The following SLC27A2 variants were observed in gnomAD, a reference collection of about 807,000 sequenced individuals.
The protein encoded by SLC27A2 is long-chain fatty acid transport protein 2.
A neutral mutation model predicts 60.0 loss-of-function variants in SLC27A2; 54 were observed. That is an observed-to-expected ratio of 0.90 (90% confidence interval 0.72 to 1.13). The LOEUF is 1.13. SLC27A2 is among the 50% of genes most tolerant of loss of function. The probability of loss-of-function intolerance (pLI) is 0.00; values close to 1 mark genes in which losing one functional copy is unlikely to be tolerated. For synonymous variants in SLC27A2, 297 were observed against 297.6 expected (o/e 1.00, Z 0.02); for missense variants, 739 against 777.6 (o/e 0.95, Z 0.59).
chr15:50,228,765 T>C (rs1265387936), intron 7 of SLC27A2, among the ~76,000 whole-genome samples, 180 bp from the exon 8 acceptor site: 1 of 152,204 alleles, frequency 6.6e-6, no homozygotes. Flanking sequence ...TCTATACTTT[T>C]CCCTTTTATG....
At chr15:50,216,608 GTGTATATATATATATA>G (rs1276412833) in intron 4 of SLC27A2, among the ~76,000 whole-genome samples, 1 of 45,530 alleles carries the variant, frequency 2.2e-5, no homozygotes, top group Non-Finnish European at 4.4e-5. Context: ...GTGTGTGTGT[GTGTATATATATATATA>G]TATATATATA....
At position 50,229,543 on chromosome 15, in the gene SLC27A2, C is replaced by T. The variant is rs187366064; in HGVS notation, c.1555+501C>T. On this transcript the variant is annotated intron_variant, in intron 8 of 9. Transcript: ENST00000267842. ...CACCGCAGCTTCATCTGCAGATCCA[C>T]TTCTGCCAGCAGAGTCAGGAGGGCC... Among the ~76,000 whole-genome samples the T allele has an allele frequency of 2.9e-4, 44 of 152,340 alleles. 1 individual carries two copies. In the East Asian group the frequency reaches 7.1e-3, roughly 25 times the overall value.
At chr15:50,188,746 G>A (rs1567425982) in intron 1 of SLC27A2, among the ~76,000 whole-genome samples, 1 of 152,216 alleles carries the variant, frequency 6.6e-6, no homozygotes, top group Non-Finnish European at 1.5e-5. Context: ...GATCACCTGA[G>A]TTCAGGAGTT....
In SLC27A2 at chr15:50,227,027, A is replaced by C. The variant is rs2045283182; in HGVS notation, c.1306A>C (p.Asn436His). The change falls in exon 7 of 10, where the codon AAT becomes CAT. Residue 436 changes from asparagine (N) to histidine (H), a missense_variant. By Grantham distance (68) the Asn-to-His change is moderately conservative. Coordinates refer to ENST00000267842, the MANE Select transcript of SLC27A2 (RefSeq NM_003645.4). ...CAAAATCACACAACTTACACCATTT[A>C]ATGGCTATGCTGGAGCAAAGGCTCA... is the stretch of plus-strand genomic sequence containing the variant. ...VCKITQLTPFNGYAGAKAQTE... is the reference protein window; with the variant it reads ...VCKITQLTPFHGYAGAKAQTE... 6.2e-7 allele frequency: 1 copy of C among 1,614,204 alleles called. No individual in the cohort carries two copies. The highest frequency in any genetic ancestry group is 8.5e-7 in the Non-Finnish European group (1 of 1,180,032).
intron 1 of SLC27A2, among the ~76,000 whole-genome samples, chr15:50,190,696 G>A (rs1250031659): frequency 1.3e-5 from 2 of 151,764 alleles, no homozygotes; most frequent in Non-Finnish European, 2.9e-5. Flanking sequence ...GACTTTAAAG[G>A]GGATGGGGGA....
chr15:50,232,621 C>T (rs1219102532), intron 8 of SLC27A2, among the ~76,000 whole-genome samples: 3 of 151,948 alleles, frequency 2.0e-5, no homozygotes, highest in Non-Finnish European at 4.4e-5. Flanking sequence ...CCCATTTGCC[C>T]GTAGGTCCAG....
intron 1 of SLC27A2, among the ~76,000 whole-genome samples, chr15:50,195,655 T>G (rs2045008251): frequency 1.3e-5 from 2 of 152,110 alleles, no homozygotes; most frequent in East Asian, 3.9e-4. Flanking sequence ...ATTAAAATAT[T>G]TTTTTAAATT....
Position 50,234,743 on chromosome 15 carries a change from A to G in SLC27A2, c.1686+745A>G, listed in dbSNP as rs189738926. ...CACTGTACTCCAGCCTGGGCATCAGAGCAAGGCCCAGTCTAAAAAAAAATA... is the reference window on the plus strand; with the variant it reads ...CACTGTACTCCAGCCTGGGCATCAGGGCAAGGCCCAGTCTAAAAAAAAATA... On this transcript the variant is annotated intron_variant, in intron 9 of 9. Transcript: ENST00000267842. Among the ~76,000 whole-genome samples, 588 of 152,230 alleles carry G rather than the reference A, an allele frequency of 3.9e-3. 6 individuals carry two copies. Among genetic ancestry groups the G allele is most frequent in the African/African-American group, 0.013 (559 of 41,530 alleles).
intron 3 of SLC27A2, 84 bp from the exon 4 acceptor site, chr15:50,205,155 C>T: frequency 2.1e-6 from 3 of 1,443,662 alleles, no homozygotes; most frequent in South Asian, 1.4e-5. Flanking sequence ...TAAATTTCTA[C>T]CGTTCAAAGT....
At chr15:50,190,116 G>A (rs1355083785) in intron 1 of SLC27A2, among the ~76,000 whole-genome samples, 2 of 152,104 alleles carry the variant, frequency 1.3e-5, no homozygotes, top group Non-Finnish European at 2.9e-5. Flanking sequence ...TCTATATATA[G>A]TATTATAATG....
At position 50,182,522 on chromosome 15, in the gene SLC27A2, A is replaced by G; in HGVS notation, c.95A>G (p.Tyr32Cys). The G allele has an allele frequency of 6.2e-7, 1 of 1,612,430 alleles. No homozygotes were observed. Among genetic ancestry groups the G allele is most frequent in the African/African-American group, 1.3e-5 (1 of 75,028 alleles). ...CCATACTTCTTCCAGGACATAGGCT[A>G]CTTCTTGAAGGTGGCCGCCGTGGGC... The part of the protein sequence containing the change: ...CCPYFFQDIG[Y>C]FLKVAAVGRR... Residue 32 changes from tyrosine (Y) to cysteine (C), a missense_variant, in exon 1 of 10, where the codon TAC (tyrosine) becomes TGC (cysteine). Transcript: ENST00000267842.
chr15:50,182,999 G>T, intron 1 of SLC27A2, 94 bp downstream of exon 1: 1 of 1,266,016 alleles, frequency 7.9e-7, no homozygotes, highest in Non-Finnish European at 1.1e-6. Flanking sequence ...GCAGAGGGAG[G>T]TTCAGATCGG....
chr15:50,200,232 G>A (rs1014327369), intron 2 of SLC27A2, among the ~76,000 whole-genome samples: 21 of 152,226 alleles, frequency 1.4e-4, no homozygotes, highest in African/African-American at 4.8e-4. Flanking sequence ...TTCAACATCA[G>A]TCTGGGCAAT....
At chr15:50,207,221 CCACATATA>C (rs1340010511) in intron 4 of SLC27A2, among the ~76,000 whole-genome samples, 2 of 152,100 alleles carry the variant, frequency 1.3e-5, no homozygotes, top group African/African-American at 4.8e-5. Context: ...CCACACATAT[CCACATATA>C]CACATGCACA....
At chr15:50,235,787 C>A (rs2045347525) in intron 9 of SLC27A2, 133 bp from the exon 10 acceptor site, 2 of 587,506 alleles carry the variant, frequency 3.4e-6, no homozygotes, top group Non-Finnish European at 2.9e-6. Context: ...TTTTAACTTT[C>A]ACTTCCCAGC....
intron 1 of SLC27A2, among the ~76,000 whole-genome samples, chr15:50,190,549 A>G (rs974742177): frequency 1.3e-4 from 19 of 151,780 alleles, no homozygotes; most frequent in African/African-American, 4.4e-4. Flanking sequence ...GATTCAGCTC[A>G]CCACCTACCC....
Position 50,223,077 on chromosome 15 carries a change from A to G in SLC27A2, c.1085A>G (p.Tyr362Cys). 1 of 1,614,072 alleles carries G rather than the reference A, an allele frequency of 6.2e-7. No homozygotes were observed. Among genetic ancestry groups the G allele is most frequent in the Non-Finnish European group, 8.5e-7 (1 of 1,179,970 alleles). Residue 362 changes from tyrosine to cysteine, a missense_variant, in exon 5 of 10, where the codon TAT (tyrosine) becomes TGT (cysteine). Physicochemically the swap from Tyr to Cys is radical, Grantham distance 194. Transcript: ENST00000267842. ...RFGDICIYEFYAATEGNIGFM... is the reference protein window; with the variant it reads ...RFGDICIYEFCAATEGNIGFM... The stretch of plus-strand genomic sequence containing the variant: ...GGGGACATATGCATCTATGAGTTCT[A>G]TGCTGCCACTGAAGGCAATATTGGA...
intron 1 of SLC27A2, among the ~76,000 whole-genome samples, chr15:50,184,681 A>C (rs1225744058): frequency 1.3e-5 from 2 of 151,930 alleles, no homozygotes; most frequent in Non-Finnish European, 2.9e-5. Flanking sequence ...GACTAAAAAA[A>C]AAAAAATTAG....
chr15:50,200,297 G>A (rs976513553), intron 2 of SLC27A2, among the ~76,000 whole-genome samples: 3 of 152,048 alleles, frequency 2.0e-5, no homozygotes, highest in Non-Finnish European at 4.4e-5. Flanking sequence ...GCATGGTGGT[G>A]CACACCTGTG....
Sources: gnomAD v4.1 joint callset for allele counts (sites outside exome capture counted in the v4.1 genomes callset) on GRCh38, gnomAD v4.1.1 for gene constraint, MANE v1.5 for transcripts, NCBI Gene and HGNC (gene_info 2026-07-23, HGNC 2026-07-21) for gene names.